Variants in TBCD observed in about 807,000 individuals in gnomAD.
TBCD encodes the protein tubulin folding cofactor D.
A neutral mutation model predicts 169.3 loss-of-function variants in TBCD; 105 were observed. That is an observed-to-expected ratio of 0.62 (90% CI 0.53 to 0.73). The LOEUF (loss-of-function observed/expected upper bound fraction) is 0.73, where lower values mean the gene tolerates loss of function less well. Ranked by LOEUF, TBCD falls within the 30% of genes least tolerant of loss-of-function variation. The pLI, the probability that TBCD is intolerant of heterozygous loss-of-function variation, is 0.00. For missense variants in TBCD, 1,444 were observed against 1,600.1 expected (o/e 0.90, Z 1.66); for synonymous variants, 700 against 643.9 (o/e 1.09, Z -1.32).
chr17:82,862,921 A>G (rs2056889134), intron 13 of TBCD, among the ~76,000 whole-genome samples: 1 of 152,146 alleles, frequency 6.6e-6, no homozygotes, highest in South Asian at 2.1e-4. Flanking sequence ...GTGACTGTCG[A>G]TGAGAGCTCT....
rs1333807670 is a variant in TBCD at position 82,800,947 on chromosome 17, G to T, written c.901G>T (p.Val301Leu). Residue 301 changes from valine (V) to leucine (L), a missense_variant, in exon 9 of 39, where the codon GTG becomes TTG. Val to Leu is a conservative substitution (Grantham distance 32). Transcript: ENST00000355528. ...TLLRKLGVKL[V>L]QRLGLTFLKP... ...GCTGCGGAAGCTGGGGGTGAAGCTTGTGCAGCGACTGGGGCTGACATTCCT... is the reference window on the plus strand; with the variant it reads ...GCTGCGGAAGCTGGGGGTGAAGCTTTTGCAGCGACTGGGGCTGACATTCCT... The T allele has an allele frequency of 3.7e-6, 6 of 1,612,224 alleles. No individual in the cohort carries two copies. Among genetic ancestry groups the T allele is most frequent in the Admixed American group, 1.7e-5 (1 of 59,892 alleles).
At chr17:82,924,859 C>T in intron 26 of TBCD, 80 bp from the exon 27 acceptor site, 2 of 1,177,356 alleles carry the variant, frequency 1.7e-6, no homozygotes, top group Non-Finnish European at 2.4e-6. Context: ...GGCTTTGCTC[C>T]TGTTTGGGGC....
chr17:82,866,851 C>A (rs909040723), intron 13 of TBCD, among the ~76,000 whole-genome samples: 5 of 152,222 alleles, frequency 3.3e-5, no homozygotes, highest in Admixed American at 3.3e-4. Context: ...CACCCACAGC[C>A]CTCTCAGGAA....
chr17:82,880,434 G>A lies in TBCD; in HGVS notation c.1476-3711G>A, dbSNP rs752806691. ...TGTCAGGTAAAGGAACATGTTTGAAGTGGGACACCCTTATCTTTGGGAGTG... is the reference window on the plus strand; with the variant it reads ...TGTCAGGTAAAGGAACATGTTTGAAATGGGACACCCTTATCTTTGGGAGTG... On this transcript the variant is annotated intron_variant, in intron 14 of 38. Coordinates refer to ENST00000355528, the MANE Select transcript of TBCD (RefSeq NM_005993.5). The surrounding 1 kb of genome is among the most constrained non-coding windows in gnomAD (Gnocchi z 5.0). 6.6e-6 allele frequency among the ~76,000 whole-genome samples: 1 copy of A among 152,258 alleles called. No homozygotes were observed. The highest frequency in any genetic ancestry group is 1.5e-5 in the Non-Finnish European group (1 of 68,052).
intron 20 of TBCD, 123 bp downstream of exon 20, chr17:82,906,176 G>A: frequency 1.3e-6 from 1 of 750,354 alleles, no homozygotes; most frequent in Non-Finnish European, 2.2e-6. Flanking sequence ...CTGCACCAGT[G>A]TCACAGTCGA....
chr17:82,936,768 AGCT>A (rs2062669615), intron 34 of TBCD, among the ~76,000 whole-genome samples: 1 of 152,054 alleles, frequency 6.6e-6, no homozygotes, highest in South Asian at 2.1e-4. Flanking sequence ...GCCCTCTCAG[AGCT>A]GCTCATCAGG....
intron 34 of TBCD, 132 bp downstream of exon 34, chr17:82,932,867 T>A (rs2062319225): frequency 1.3e-6 from 1 of 787,536 alleles, no homozygotes; most frequent in African/African-American, 1.7e-5. Context: ...TCAGTTATGG[T>A]GACTGTAAAT....
Position 82,874,087 on chromosome 17 carries a change from T to C in TBCD, c.1475+3707T>C, listed in dbSNP as rs1034331663. On this transcript the variant is annotated intron_variant, in intron 14 of 38. Coordinates refer to ENST00000355528, the MANE Select transcript of TBCD (RefSeq NM_005993.5). The surrounding 1 kb of genome is among the most constrained non-coding windows in gnomAD (Gnocchi z 5.0). The stretch of plus-strand genomic sequence containing the variant: ...CATGGTCGTGGTCTGCCCAGCTGGG[T>C]GTGGGGTTGAGCCCATCATGCTGTG... Among the ~76,000 whole-genome samples, 1 of 151,946 alleles carries C rather than the reference T, an allele frequency of 6.6e-6. No individual in the cohort carries two copies. Among genetic ancestry groups the C allele is most frequent in the African/African-American group, 2.4e-5 (1 of 41,334 alleles).
chr17:82,939,192 C>T (rs1465316982), intron 36 of TBCD, 175 bp from the exon 37 acceptor site: 4 of 641,946 alleles, frequency 6.2e-6, no homozygotes, highest in African/African-American at 3.6e-5. Context: ...GGTTAATGGG[C>T]CTGGAAGGCA....
chr17:82,774,992 C>T (rs1002758448), intron 6 of TBCD, among the ~76,000 whole-genome samples: 1 of 152,232 alleles, frequency 6.6e-6, no homozygotes, highest in Non-Finnish European at 1.5e-5. Flanking sequence ...AGCAGCAGTA[C>T]TGAGGGTTGC....
At chr17:82,897,517 C>CAA (rs34695419) in intron 17 of TBCD, among the ~76,000 whole-genome samples, 2,538 of 134,610 alleles carry the variant, frequency 0.019, 44 homozygotes, top group African/African-American at 0.05. Flanking sequence ...GACTCCGTCT[C>CAA]AAAAAAAAAA....
At chr17:82,939,579 A>T in intron 37 of TBCD, 103 bp downstream of exon 37, 1 of 929,958 alleles carries the variant, frequency 1.1e-6, no homozygotes, top group Non-Finnish European at 1.7e-6. Flanking sequence ...TGATAGGAGG[A>T]GGAAAGAGGG....
chr17:82,868,852 G>A (rs528080945), intron 13 of TBCD, among the ~76,000 whole-genome samples: 1 of 152,356 alleles, frequency 6.6e-6, no homozygotes, highest in African/African-American at 2.4e-5. Context: ...TGTGTGTAGT[G>A]TTAGTGAACT....
intron 13 of TBCD, chr17:82,859,793 C>T (rs2056610329): frequency 1.0e-6 from 1 of 985,348 alleles, no homozygotes; most frequent in Non-Finnish European, 1.2e-6. Flanking sequence ...GCCACCTGTC[C>T]TGCCTGTTCA....
intron 14 of TBCD, among the ~76,000 whole-genome samples, chr17:82,883,061 C>CTTGT (rs36064364): frequency 0.99 from 151,291 of 152,354 alleles, 75,126 homozygotes; most frequent in East Asian, 1. Context: ...TCACATTTAG[C>CTTGT]TTAACAGCAG....
In TBCD at chr17:82,929,167, T is replaced by G; in HGVS notation, c.2748T>G (p.Arg916=). 6.2e-7 allele frequency: 1 copy of G among 1,613,538 alleles called. No homozygotes were observed. Among genetic ancestry groups the G allele is most frequent in the Non-Finnish European group, 8.5e-7 (1 of 1,179,876 alleles). ...AGCAGGCCAGTGAGAAGATTGACCG[T>G]TTCCGTGCTCACGCCGCCAGCGTGT... ...VAQQASEKID[R]FRAHAASVFL... Residue 916 remains arginine, a synonymous_variant, in exon 31 of 39, where the codon CGT becomes CGG. Coordinates refer to ENST00000355528, the MANE Select transcript of TBCD (RefSeq NM_005993.5).
chr17:82,940,947 C>G (rs570908195), intron 37 of TBCD, among the ~76,000 whole-genome samples: 2 of 152,092 alleles, frequency 1.3e-5, no homozygotes, highest in South Asian at 4.2e-4. Flanking sequence ...ATCGTTTAAT[C>G]CCCTTTCTGT....
rs937950786 is a variant in TBCD at position 82,874,660 on chromosome 17, C to T, written c.1475+4280C>T. On this transcript the variant is annotated intron_variant, in intron 14 of 38. Coordinates refer to ENST00000355528, the MANE Select transcript of TBCD (RefSeq NM_005993.5). The surrounding 1 kb of genome is among the most constrained non-coding windows in gnomAD (Gnocchi z 5.0). Reference sequence around the variant, plus strand: ...CTGGGCCCCATCCCTCCTTGGCCCACGCAGACTCCAGGCATCCGGCCGGGC... The same window carrying T: ...CTGGGCCCCATCCCTCCTTGGCCCATGCAGACTCCAGGCATCCGGCCGGGC... 3.3e-5 allele frequency among the ~76,000 whole-genome samples: 5 copies of T among 152,182 alleles called. No homozygotes were observed. The highest frequency in any genetic ancestry group is 6.5e-5 in the Admixed American group (1 of 15,284).
intron 14 of TBCD, among the ~76,000 whole-genome samples, chr17:82,882,578 C>A (rs1052756157): frequency 5.9e-5 from 9 of 152,226 alleles, no homozygotes; most frequent in African/African-American, 1.9e-4. Context: ...GATACGTGAG[C>A]CCCTTGCCTG....
Sources: gnomAD v4.1 joint callset for allele counts (sites outside exome capture counted in the v4.1 genomes callset) on GRCh38, gnomAD v4.1.1 for gene constraint, Gnocchi (gnomAD v3.1) non-coding constraint, MANE v1.5 for transcripts, NCBI Gene and HGNC (gene_info 2026-07-23, HGNC 2026-07-21) for gene names.